ADGRB3: variants seen among roughly 807,000 people sequenced by gnomAD.
ADGRB3 encodes adhesion G protein-coupled receptor B3.
ADGRB3 carries 37 observed loss-of-function variants against 193.4 expected under a neutral mutation model. The ratio of observed to expected loss-of-function variants is 0.19; its 90% CI spans 0.15 to 0.25. ADGRB3 has a LOEUF of 0.25. ADGRB3 is among the 10% of genes least tolerant of loss of function. ADGRB3 has a pLI of 1.00. For missense variants in ADGRB3, 1,637 were observed against 1,852.9 expected (o/e 0.88, Z 2.14); for synonymous variants, 690 against 644.2 (o/e 1.07, Z -1.08).
chr6:69,380,706 T>C (rs749510521), intron 30 of ADGRB3, among the ~76,000 whole-genome samples: 3 of 151,994 alleles, frequency 2.0e-5, no homozygotes, highest in Non-Finnish European at 4.4e-5. Flanking sequence ...ATCACTTTCA[T>C]AGCAGTACCA....
chr6:68,877,096 CTTT>C (rs1201365859), intron 3 of ADGRB3, among the ~76,000 whole-genome samples: 1 of 151,820 alleles, frequency 6.6e-6, no homozygotes, highest in East Asian at 1.9e-4. Flanking sequence ...TGACTTTTTT[CTTT>C]TAAGTCCTTG....
chr6:69,013,996 C>A (rs1461203777), intron 11 of ADGRB3, 42 bp from the exon 12 acceptor site: 5 of 1,351,080 alleles, frequency 3.7e-6, no homozygotes, highest in Non-Finnish European at 4.1e-6. Flanking sequence ...AAGTATAATT[C>A]TCTCATGTAA....
chr6:68,865,119 A>C (rs1393003445), intron 3 of ADGRB3, among the ~76,000 whole-genome samples: 1 of 152,172 alleles, frequency 6.6e-6, no homozygotes, highest in Non-Finnish European at 1.5e-5. Context: ...CAAAAATATA[A>C]TAAAATAAAT....
chr6:69,082,170 T>C (rs954829067), intron 17 of ADGRB3, among the ~76,000 whole-genome samples: 2 of 152,094 alleles, frequency 1.3e-5, no homozygotes, highest in African/African-American at 4.8e-5. Context: ...ATTTACTATT[T>C]AGTCTTTTAT....
Position 69,252,976 on chromosome 6 carries a change from T to C in ADGRB3, c.2814+13750T>C, listed in dbSNP as rs77094954. Among the ~76,000 whole-genome samples, 492 of 152,198 alleles carry C rather than the reference T, an allele frequency of 3.2e-3. 1 individual carries two copies. The highest frequency in any genetic ancestry group is 0.011 in the African/African-American group (465 of 41,554). On this transcript the variant is annotated intron_variant, in intron 20 of 31. Transcript: ENST00000370598. ...ACAAAATTAATTTTTGTGTGTTATA[T>C]GAGGTAGGTCTTGGGGTTCATTATA...
chr6:68,852,191 T>C (rs80304018), intron 3 of ADGRB3, among the ~76,000 whole-genome samples: 1 of 151,972 alleles, frequency 6.6e-6, no homozygotes, highest in East Asian at 1.9e-4. Flanking sequence ...TACAAATACG[T>C]TTTAATCATG....
At chr6:68,998,198 C>T (rs1769449103) in intron 11 of ADGRB3, among the ~76,000 whole-genome samples, 1 of 152,152 alleles carries the variant, frequency 6.6e-6, no homozygotes, top group Admixed American at 6.5e-5. Context: ...CCAGATTATT[C>T]ACCTTACTGA....
intron 13 of ADGRB3, among the ~76,000 whole-genome samples, chr6:69,025,091 C>CAA (rs66494212): frequency 6.4e-5 from 9 of 141,424 alleles, no homozygotes; most frequent in Non-Finnish European, 1.2e-4. Context: ...GACTCCGTCT[C>CAA]AAAAAAAAAA....
At chr6:68,843,825 A>T (rs1353857309) in intron 3 of ADGRB3, among the ~76,000 whole-genome samples, 1 of 152,152 alleles carries the variant, frequency 6.6e-6, no homozygotes, top group East Asian at 1.9e-4. Flanking sequence ...AAAAACAGAC[A>T]CATAGACCAA....
chr6:69,240,542 A>G (rs1038787753), intron 20 of ADGRB3, among the ~76,000 whole-genome samples: 15 of 152,008 alleles, frequency 9.9e-5, no homozygotes, highest in Admixed American at 7.2e-4. Context: ...GAAAAAAGAG[A>G]GAGACAGAAT....
At chr6:68,860,654 A>G (rs535972018) in intron 3 of ADGRB3, among the ~76,000 whole-genome samples, 1 of 152,298 alleles carries the variant, frequency 6.6e-6, no homozygotes, top group Non-Finnish European at 1.5e-5. Flanking sequence ...ACTGATAGAC[A>G]CTTAGGTTGA....
At chr6:68,718,871 C>G (rs938430788) in intron 3 of ADGRB3, among the ~76,000 whole-genome samples, 1 of 151,784 alleles carries the variant, frequency 6.6e-6, no homozygotes, top group Non-Finnish European at 1.5e-5. Context: ...ACAGCCACGT[C>G]TATTTGATGA....
intron 3 of ADGRB3, among the ~76,000 whole-genome samples, chr6:68,663,828 T>A (rs1373825606): frequency 6.6e-6 from 1 of 151,854 alleles, no homozygotes; most frequent in African/African-American, 2.4e-5. Context: ...TTATTAAATA[T>A]GTGAAAGTCA....
At chr6:68,948,091 C>T (rs1562096675) in intron 6 of ADGRB3, among the ~76,000 whole-genome samples, 1 of 152,088 alleles carries the variant, frequency 6.6e-6, no homozygotes, top group Admixed American at 6.6e-5. Context: ...GATAATAAAC[C>T]TTAATAAATC....
intron 3 of ADGRB3, among the ~76,000 whole-genome samples, chr6:68,827,958 T>C (rs972642494): frequency 1.3e-5 from 2 of 152,134 alleles, no homozygotes; most frequent in African/African-American, 4.8e-5. Flanking sequence ...CAGATCCAAG[T>C]TTCCCTTTAT....
intron 17 of ADGRB3, among the ~76,000 whole-genome samples, chr6:69,220,083 G>A (rs1221608372): frequency 1.3e-5 from 2 of 151,846 alleles, no homozygotes; most frequent in Admixed American, 1.3e-4. Flanking sequence ...ATGAAAATAA[G>A]GATATTGGTT....
At chr6:68,769,714 T>G (rs1284611425) in intron 3 of ADGRB3, among the ~76,000 whole-genome samples, 1 of 152,088 alleles carries the variant, frequency 6.6e-6, no homozygotes, top group East Asian at 1.9e-4. Flanking sequence ...GTCTTTATTC[T>G]GATTAAAAAT....
intron 20 of ADGRB3, among the ~76,000 whole-genome samples, chr6:69,279,766 C>G (rs907741475): frequency 6.6e-6 from 1 of 152,024 alleles, no homozygotes; most frequent in African/African-American, 2.4e-5. Context: ...TAGGTTTGTC[C>G]TCAGCCTAGA....
At chr6:68,935,864 G>T (rs1448231141) in intron 4 of ADGRB3, among the ~76,000 whole-genome samples, 2 of 152,054 alleles carry the variant, frequency 1.3e-5, no homozygotes, top group East Asian at 3.9e-4. Flanking sequence ...AAATTATCAA[G>T]AAATTTTTCT....
Sources: gnomAD v4.1 joint callset for allele counts (sites outside exome capture counted in the v4.1 genomes callset) on GRCh38, gnomAD v4.1.1 for gene constraint, MANE v1.5 for transcripts, NCBI Gene and HGNC (gene_info 2026-07-23, HGNC 2026-07-21) for gene names.